Variants in NKAIN2 observed in about 807,000 individuals in gnomAD.
NKAIN2 encodes the protein sodium/potassium transporting ATPase interacting 2.
Under a neutral mutation model 32.6 loss-of-function variants are expected in NKAIN2, and 14 were observed. The ratio of observed to expected loss-of-function variants is 0.43; its 90% CI spans 0.28 to 0.67. The LOEUF is 0.67. Ranked by LOEUF, NKAIN2 falls within the 30% of genes least tolerant of loss-of-function variation. NKAIN2 has a pLI of 0.17. For missense variants in NKAIN2, 198 were observed against 258.3 expected (o/e 0.77, Z 1.60); for synonymous variants, 80 against 87.2 (o/e 0.92, Z 0.46).
rs35802663 is a variant in NKAIN2 at position 124,638,887 on chromosome 6, C to CAAAAAAAAA, written c.274-19285_274-19277dup. Among the ~76,000 whole-genome samples the CAAAAAAAAA allele has an allele frequency of 2.4e-4, 20 of 82,596 alleles. 1 individual carries two copies. The highest frequency in any genetic ancestry group is 4.2e-4 in the African/African-American group (8 of 19,086). The allele number at this position is 82,596 out of a possible 152,430, so 54.2% of individuals were successfully genotyped here. ...GCCTGGGGGCAGAGTGAGACTCTGT[C>CAAAAAAAAA]AAAAAAAAAAAAAAAAAAAAAAGAT... is the stretch of plus-strand genomic sequence containing the variant. On this transcript the variant is annotated intron_variant, in intron 3 of 6. Coordinates refer to ENST00000368417, the MANE Select transcript of NKAIN2 (RefSeq NM_001040214.3).
chr6:123,987,346 C>T (rs866339490), intron 1 of NKAIN2, among the ~76,000 whole-genome samples: 1 of 151,926 alleles, frequency 6.6e-6, no homozygotes, highest in Non-Finnish European at 1.5e-5. Flanking sequence ...TTGGACATTA[C>T]GTTTTGAAGG....
At chr6:123,846,779 T>C (rs936551907) in intron 1 of NKAIN2, among the ~76,000 whole-genome samples, 14 of 152,256 alleles carry the variant, frequency 9.2e-5, no homozygotes, top group Admixed American at 6.5e-4. Context: ...GTTGGAATTA[T>C]CTTTTCTAAA....
At chr6:124,171,501 C>T (rs1436039318) in intron 1 of NKAIN2, among the ~76,000 whole-genome samples, 1 of 148,670 alleles carries the variant, frequency 6.7e-6, no homozygotes, top group Non-Finnish European at 1.5e-5. Context: ...TGTGATATTA[C>T]TAATCATAAA....
chr6:124,238,393 G>T (rs545152240), intron 1 of NKAIN2, among the ~76,000 whole-genome samples: 1 of 152,228 alleles, frequency 6.6e-6, no homozygotes, highest in African/African-American at 2.4e-5. Flanking sequence ...ATAGGTTGAA[G>T]GATTTCAGAC....
chr6:124,598,370 A>C (rs936833744), intron 3 of NKAIN2, among the ~76,000 whole-genome samples: 1 of 152,178 alleles, frequency 6.6e-6, no homozygotes, highest in Non-Finnish European at 1.5e-5. Flanking sequence ...ATAAATGTCC[A>C]AAGTACCAGT....
chr6:124,498,974 C>T (rs909742361), intron 3 of NKAIN2, among the ~76,000 whole-genome samples: 1 of 151,918 alleles, frequency 6.6e-6, no homozygotes, highest in Non-Finnish European at 1.5e-5. Context: ...TGCTGTGTTG[C>T]CCAGGCTGGT....
At chr6:123,838,655 T>C (rs994407839) in intron 1 of NKAIN2, among the ~76,000 whole-genome samples, 1 of 152,180 alleles carries the variant, frequency 6.6e-6, no homozygotes, top group African/African-American at 2.4e-5. Flanking sequence ...AGAGTCTATC[T>C]ACAGACACGC....
chr6:124,622,828 C>T (rs1583536393), intron 3 of NKAIN2, among the ~76,000 whole-genome samples: 1 of 152,234 alleles, frequency 6.6e-6, no homozygotes, highest in Admixed American at 6.5e-5. Flanking sequence ...TTCTCTGCCG[C>T]ATCGCTCTGC....
chr6:124,707,349 T>C (rs1775143369), intron 4 of NKAIN2, among the ~76,000 whole-genome samples: 1 of 152,016 alleles, frequency 6.6e-6, no homozygotes, highest in East Asian at 1.9e-4. Flanking sequence ...CCTTTGGGTA[T>C]ATACCCAGTA....
At chr6:124,402,220 C>A (rs1337028794) in intron 3 of NKAIN2, among the ~76,000 whole-genome samples, 1 of 152,082 alleles carries the variant, frequency 6.6e-6, no homozygotes, top group East Asian at 1.9e-4. Flanking sequence ...GAAACCTGGA[C>A]CTAAAAGATT....
intron 3 of NKAIN2, among the ~76,000 whole-genome samples, chr6:124,429,897 G>GA (rs780881824): frequency 4.6e-5 from 7 of 152,082 alleles, no homozygotes; most frequent in African/African-American, 9.7e-5. Context: ...CAAGATGCTA[G>GA]AAAGAATTAG....
intron 1 of NKAIN2, among the ~76,000 whole-genome samples, chr6:124,276,215 C>T (rs578113988): frequency 6.6e-6 from 1 of 151,732 alleles, no homozygotes; most frequent in Non-Finnish European, 1.5e-5. Flanking sequence ...AAAAGGCAGA[C>T]AATTCTTAGT....
intron 1 of NKAIN2, among the ~76,000 whole-genome samples, chr6:123,839,342 G>A (rs548640573): frequency 6.6e-6 from 1 of 151,510 alleles, no homozygotes; most frequent in Non-Finnish European, 1.5e-5. Flanking sequence ...ATTTAAAAAT[G>A]ACTTATAGTC....
chr6:124,759,657 C>CCCA (rs1778161701), intron 4 of NKAIN2, among the ~76,000 whole-genome samples: 1 of 75,374 alleles, frequency 1.3e-5, no homozygotes. Context: ...ACACACACAC[C>CCCA]CCCTATCTCC....
chr6:124,731,565 G>C lies in NKAIN2; in HGVS notation c.475-59774G>C, dbSNP rs866827771. Among the ~76,000 whole-genome samples the C allele has an allele frequency of 1.5e-4, 18 of 118,852 alleles. 1 individual carries two copies. In the East Asian group the frequency reaches 4.8e-3, roughly 32 times the overall value. The allele number at this position is 118,852 out of a possible 152,430, so 78.0% of individuals were successfully genotyped here. A position where few individuals can be genotyped will look rare whatever the true frequency, so the allele number is the denominator to read the frequency against. On this transcript the variant is annotated intron_variant, in intron 4 of 6. Transcript: ENST00000368417. ...CACACTCTGGGGACTGTTGTGGGGT[G>C]GGGGGAGGGGGGAGGGATAGCAATG...
At chr6:124,752,491 C>G (rs1777769571) in intron 4 of NKAIN2, among the ~76,000 whole-genome samples, 1 of 151,918 alleles carries the variant, frequency 6.6e-6, no homozygotes, top group African/African-American at 2.4e-5. Flanking sequence ...GTTATTTCCT[C>G]TATTCTGAAC....
chr6:124,669,624 A>G (rs1772995225), intron 4 of NKAIN2, among the ~76,000 whole-genome samples: 1 of 152,052 alleles, frequency 6.6e-6, no homozygotes, highest in East Asian at 1.9e-4. Flanking sequence ...AGCTCTGACC[A>G]GGTATAGCCT....
At chr6:123,981,536 A>G (rs1283905514) in intron 1 of NKAIN2, among the ~76,000 whole-genome samples, 3 of 152,064 alleles carry the variant, frequency 2.0e-5, no homozygotes, top group Non-Finnish European at 4.4e-5. Flanking sequence ...CTTTCATTCC[A>G]TCACATATGA....
intron 3 of NKAIN2, among the ~76,000 whole-genome samples, chr6:124,616,960 T>A (rs1782929417): frequency 6.6e-6 from 1 of 152,148 alleles, no homozygotes; most frequent in African/African-American, 2.4e-5. Context: ...GTTCAACAGC[T>A]CTCTGCTTCC....
Sources: allele counts gnomAD v4.1 joint callset (sites outside exome capture counted in the v4.1 genomes callset), GRCh38; gene constraint gnomAD v4.1.1; transcripts MANE v1.5; gene names NCBI Gene and HGNC (gene_info 2026-07-23, HGNC 2026-07-21).